Variants in CACNG5 observed in about 807,000 individuals in gnomAD.
CACNG5 encodes the protein voltage-dependent calcium channel gamma-5 subunit.
A neutral mutation model predicts 24.8 loss-of-function variants in CACNG5; 18 were observed. The observed-to-expected ratio is 0.73, with a 90% CI of 0.50 to 1.08. CACNG5 has a LOEUF of 1.08. Ranked by LOEUF, CACNG5 falls within the 50% of genes least tolerant of loss-of-function variation. CACNG5 has a pLI of 0.00. For missense variants in CACNG5, 349 were observed against 367.9 expected (o/e 0.95, Z 0.42); for synonymous variants, 157 against 149.1 (o/e 1.05, Z -0.39).
At chr17:66,874,787 T>C (rs1188487918) in intron 1 of CACNG5, among the ~76,000 whole-genome samples, 2 of 152,132 alleles carry the variant, frequency 1.3e-5, no homozygotes, top group African/African-American at 4.8e-5. Flanking sequence ...AGTGGCACGG[T>C]TGAGTGTAAG....
At chr17:66,879,114 C>A in intron 3 of CACNG5, 56 bp downstream of exon 3, 2 of 1,306,880 alleles carry the variant, frequency 1.5e-6, no homozygotes, top group Non-Finnish European at 2.2e-6. Flanking sequence ...AGGAGCAAGG[C>A]AGAGGGAAGA....
intron 1 of CACNG5, among the ~76,000 whole-genome samples, chr17:66,860,589 A>G (rs1976840202): frequency 6.6e-6 from 1 of 152,072 alleles, no homozygotes; most frequent in Admixed American, 6.6e-5. Context: ...TACCCCAGAT[A>G]AACAGAAACT....
chr17:66,846,077 G>A (rs1976635475), intron 1 of CACNG5, among the ~76,000 whole-genome samples: 1 of 152,194 alleles, frequency 6.6e-6, no homozygotes, highest in African/African-American at 2.4e-5. Context: ...CCCACTCTGT[G>A]CCAAGCACTT....
chr17:66,882,269 C>T (rs776422510), intron 4 of CACNG5, among the ~76,000 whole-genome samples: 1 of 152,156 alleles, frequency 6.6e-6, no homozygotes, highest in Non-Finnish European at 1.5e-5. Flanking sequence ...TGGCATATCA[C>T]ATCATTGATT....
At position 66,887,194 on chromosome 17, in the gene CACNG5, A is replaced by G. The variant is rs896202246; in HGVS notation, c.*1954A>G. 2.0e-5 allele frequency among the ~76,000 whole-genome samples: 3 copies of G among 152,100 alleles called. No homozygotes were observed. Among genetic ancestry groups the G allele is most frequent in the Non-Finnish European group, 2.9e-5 (2 of 68,012 alleles). ...CACAGCAGGGTGGAGGAGAAGGGTA[A>G]GAGAAGCCAGTTCTGGTCCCAATTC... On this transcript the variant is annotated 3_prime_UTR_variant, in exon 6 of 6. Transcript: ENST00000533854.
intron 1 of CACNG5, among the ~76,000 whole-genome samples, chr17:66,869,228 T>C (rs1976969608): frequency 6.6e-6 from 1 of 152,028 alleles, no homozygotes; most frequent in South Asian, 2.1e-4. Flanking sequence ...GGATTACAGG[T>C]GTGTGCCATC....
At chr17:66,862,501 A>G (rs544340805) in intron 1 of CACNG5, among the ~76,000 whole-genome samples, 1 of 152,152 alleles carries the variant, frequency 6.6e-6, no homozygotes, top group East Asian at 1.9e-4. Context: ...ATAAACACAT[A>G]TATATAATAT....
intron 1 of CACNG5, among the ~76,000 whole-genome samples, chr17:66,846,043 GT>G (rs1976635138): frequency 6.6e-6 from 1 of 152,180 alleles, no homozygotes. Context: ...AGAGGCTGGT[GT>G]TTACTGAGCC....
intron 4 of CACNG5, among the ~76,000 whole-genome samples, chr17:66,882,313 C>T (rs983466811): frequency 6.6e-6 from 1 of 152,198 alleles, no homozygotes; most frequent in African/African-American, 2.4e-5. Flanking sequence ...TTGGGCAGCT[C>T]ATGAGTTTAG....
At chr17:66,877,599 A>G (rs562622187) in intron 2 of CACNG5, 71 bp downstream of exon 2, 187 of 1,308,852 alleles carry the variant, frequency 1.4e-4, no homozygotes, top group Middle Eastern at 5.7e-4. Context: ...CCTCCCTGGG[A>G]AGAGATGGCC....
chr17:66,871,502 C>T (rs1977006137), intron 1 of CACNG5, among the ~76,000 whole-genome samples: 1 of 152,202 alleles, frequency 6.6e-6, no homozygotes, highest in Admixed American at 6.5e-5. Context: ...CACCTAAGCA[C>T]TTCATTGCAA....
intron 1 of CACNG5, among the ~76,000 whole-genome samples, chr17:66,858,853 A>G (rs1976817863): frequency 6.6e-6 from 1 of 152,156 alleles, no homozygotes; most frequent in Non-Finnish European, 1.5e-5. Flanking sequence ...GATACTCACA[A>G]TGTTCTTTAA....
chr17:66,865,558 G>T lies in CACNG5; in HGVS notation c.-103-11672G>T, dbSNP rs180950868. On this transcript the variant is annotated intron_variant, in intron 1 of 5. Transcript: ENST00000533854. ...CAAATTCTCTCTGTCTATGTAGCAG[G>T]ACATTTGTTGTACCTCAGGCATCAG... Among the ~76,000 whole-genome samples the T allele has an allele frequency of 4.5e-3, 687 of 151,962 alleles. 15 individuals carry two copies. The highest frequency in any genetic ancestry group is 0.038 in the Admixed American group (587 of 15,276).
chr17:66,855,390 C>T (rs1976761296), intron 1 of CACNG5, among the ~76,000 whole-genome samples: 1 of 152,254 alleles, frequency 6.6e-6, no homozygotes, highest in Non-Finnish European at 1.5e-5. Flanking sequence ...TGGGCCGCAC[C>T]ACCATGTTCA....
In CACNG5 at chr17:66,894,714, A is replaced by G. The variant is rs1977388882; in HGVS notation, c.*9474A>G. ...CCTTAAATGTATATTGTTTTCTGGC[A>G]TGTGTATTTTAATTTAAATAAAGGG... On this transcript the variant is annotated 3_prime_UTR_variant, in exon 6 of 6. Transcript: ENST00000533854. Among the ~76,000 whole-genome samples, 2 of 151,902 alleles carry G rather than the reference A, an allele frequency of 1.3e-5. No individual in the cohort carries two copies. The highest frequency in any genetic ancestry group is 2.9e-5 in the Non-Finnish European group (2 of 67,996).
At chr17:66,852,739 T>C (rs921640526) in intron 1 of CACNG5, among the ~76,000 whole-genome samples, 3 of 152,152 alleles carry the variant, frequency 2.0e-5, no homozygotes, top group African/African-American at 7.2e-5. Flanking sequence ...TTTCTCTTCC[T>C]ATAGTTTTGG....
chr17:66,882,968 CATCCATCA>C (rs879923878), intron 4 of CACNG5, among the ~76,000 whole-genome samples: 4,035 of 134,288 alleles, frequency 0.03, 66 homozygotes, highest in Middle Eastern at 0.071. Flanking sequence ...TCCATCCATC[CATCCATCA>C]ATCCATCCAT....
At chr17:66,878,628 T>G (rs1034389362) in intron 2 of CACNG5, among the ~76,000 whole-genome samples, 2 of 152,208 alleles carry the variant, frequency 1.3e-5, no homozygotes, top group African/African-American at 4.8e-5. Flanking sequence ...AAGTCAGCTA[T>G]GCACCATTGT....
Position 66,887,123 on chromosome 17 carries a change from T to G in CACNG5, c.*1883T>G, listed in dbSNP as rs1277281014. Among the ~76,000 whole-genome samples the G allele has an allele frequency of 6.6e-6, 1 of 152,098 alleles. No individual in the cohort carries two copies. The highest frequency in any genetic ancestry group is 1.5e-5 in the Non-Finnish European group (1 of 67,992). On this transcript the variant is annotated 3_prime_UTR_variant, in exon 6 of 6. Coordinates refer to ENST00000533854, the MANE Select transcript of CACNG5 (RefSeq NM_145811.3). The stretch of plus-strand genomic sequence containing the variant: ...ACAAATGAATTTAGGGAAGACAGAG[T>G]TTAGCCCATGACAGGTATTTTGTTG...
Sources: gnomAD v4.1 joint callset for allele counts (sites outside exome capture counted in the v4.1 genomes callset) on GRCh38, gnomAD v4.1.1 for gene constraint, MANE v1.5 for transcripts, NCBI Gene and HGNC (gene_info 2026-07-23, HGNC 2026-07-21) for gene names.